Variants in HECW1 observed in about 807,000 individuals in gnomAD.
HECW1 encodes HECT, C2 and WW domain containing E3 ubiquitin protein ligase 1.
Under a neutral mutation model 182.3 loss-of-function variants are expected in HECW1, and 61 were observed. The observed-to-expected ratio is 0.33, with a 90% CI of 0.27 to 0.41. The LOEUF (loss-of-function observed/expected upper bound fraction) is 0.41. Ranked by LOEUF, HECW1 falls within the 10% of genes least tolerant of loss-of-function variation. The pLI, the probability that HECW1 is intolerant of heterozygous loss-of-function variation, is 1.00. For missense variants in HECW1, 1,739 were observed against 2,108.9 expected (o/e 0.82, Z 3.44); for synonymous variants, 859 against 832.6 (o/e 1.03, Z -0.55).
chr7:43,479,235 G>A (rs2078329319), intron 16 of HECW1, among the ~76,000 whole-genome samples: 1 of 152,184 alleles, frequency 6.6e-6, no homozygotes, highest in South Asian at 2.1e-4. Flanking sequence ...TGCCATCTGG[G>A]GGTAACGAGA....
At chr7:43,313,483 A>G (rs1157887082) in intron 4 of HECW1, among the ~76,000 whole-genome samples, 2 of 151,936 alleles carry the variant, frequency 1.3e-5, no homozygotes, top group Non-Finnish European at 2.9e-5. Context: ...GATTACAGGC[A>G]TGTGCCACCA....
At chr7:43,227,760 C>T (rs946957434) in intron 2 of HECW1, among the ~76,000 whole-genome samples, 5 of 152,172 alleles carry the variant, frequency 3.3e-5, no homozygotes, top group African/African-American at 7.2e-5. Flanking sequence ...AAGATTAATA[C>T]GACTGTATTT....
chr7:43,541,619 C>T (rs552951314), intron 25 of HECW1, among the ~76,000 whole-genome samples: 1 of 152,288 alleles, frequency 6.6e-6, no homozygotes, highest in South Asian at 2.1e-4. Context: ...CTCCAATTTT[C>T]ATGCAGAGTC....
chr7:43,119,865 C>T (rs899885815), intron 2 of HECW1, among the ~76,000 whole-genome samples: 6 of 152,206 alleles, frequency 3.9e-5, no homozygotes, highest in Admixed American at 3.3e-4. Flanking sequence ...GCACAGCCAT[C>T]CCCGTCTAAG....
chr7:43,294,374 G>A (rs67210625), intron 3 of HECW1, among the ~76,000 whole-genome samples: 7,158 of 152,242 alleles, frequency 0.047, 207 homozygotes, highest in African/African-American at 0.075. Flanking sequence ...CATGGGGGGA[G>A]GGGGGAGGAT....
At chr7:43,517,360 G>A (rs1462474064) in intron 24 of HECW1, among the ~76,000 whole-genome samples, 8 of 85,490 alleles carry the variant, frequency 9.4e-5, no homozygotes, top group Admixed American at 2.9e-4. Flanking sequence ...CCCCAGCCCC[G>A]ACCTCTCTCC....
chr7:43,247,385 T>C (rs6957017), intron 3 of HECW1, among the ~76,000 whole-genome samples: 42,847 of 152,066 alleles, frequency 0.28, 7,673 homozygotes, highest in African/African-American at 0.51. Flanking sequence ...CAGTGGCTCA[T>C]GCCTGTAATC....
intron 17 of HECW1, among the ~76,000 whole-genome samples, chr7:43,481,954 G>T (rs1159550940): frequency 7.2e-6 from 1 of 139,852 alleles, no homozygotes; most frequent in African/African-American, 2.7e-5. Context: ...CAGCCTGAGC[G>T]ACACAGCGAG....
At chr7:43,399,608 C>T (rs920082810) in intron 7 of HECW1, among the ~76,000 whole-genome samples, 2 of 152,184 alleles carry the variant, frequency 1.3e-5, no homozygotes, top group Non-Finnish European at 2.9e-5. Flanking sequence ...ATTCCTTTAT[C>T]TCTGCTTTGC....
chr7:43,113,356 T>C (rs546192230), intron 1 of HECW1, among the ~76,000 whole-genome samples: 1 of 152,284 alleles, frequency 6.6e-6, no homozygotes, highest in East Asian at 1.9e-4. Context: ...GCTCTGGATT[T>C]GCGCTTCGCC....
At chr7:43,134,318 C>A (rs759264555) in intron 2 of HECW1, among the ~76,000 whole-genome samples, 1 of 136,582 alleles carries the variant, frequency 7.3e-6, no homozygotes, top group African/African-American at 2.8e-5. Context: ...CGCTTGAACC[C>A]GGGAGGCAGA....
intron 10 of HECW1, among the ~76,000 whole-genome samples, chr7:43,442,994 A>C (rs753653094): frequency 1.1e-4 from 16 of 152,258 alleles, no homozygotes; most frequent in Non-Finnish European, 1.8e-4. Context: ...CTTTCTACCT[A>C]GTAACTAGAT....
At chr7:43,486,305 G>C (rs1481183349) in intron 17 of HECW1, among the ~76,000 whole-genome samples, 1 of 141,596 alleles carries the variant, frequency 7.1e-6, no homozygotes, top group African/African-American at 2.6e-5. Flanking sequence ...TTTTTTTTTT[G>C]AGATGGAGTC....
At chr7:43,191,331 C>T (rs192916900) in intron 2 of HECW1, among the ~76,000 whole-genome samples, 8 of 152,328 alleles carry the variant, frequency 5.3e-5, no homozygotes, top group Admixed American at 3.3e-4. Flanking sequence ...TCTATTACAG[C>T]GATGTAGCCA....
At position 43,311,951 on chromosome 7, in the gene HECW1, G is replaced by A; in HGVS notation, c.216G>A (p.Leu72=). The change falls in exon 4 of 30, where the codon CTG becomes CTA. Residue 72 remains leucine (L), a synonymous_variant. Transcript: ENST00000395891. The part of the protein sequence containing the change: ...TIPRSTSDTD[L]VTSDSRSTLM... ...CCCGCTCCACCAGCGACACTGACCTGGTCACCTCGGACAGCCGCTCCACGC... is the reference window on the plus strand; with the variant it reads ...CCCGCTCCACCAGCGACACTGACCTAGTCACCTCGGACAGCCGCTCCACGC... The A allele has an allele frequency of 6.2e-7, 1 of 1,614,118 alleles. No individual in the cohort carries two copies. The highest frequency in any genetic ancestry group is 8.5e-7 in the Non-Finnish European group (1 of 1,179,988).
rs958373676 is a variant in HECW1 at position 43,565,964 on chromosome 7, T to C, written c.*4038T>C. 1.7e-4 allele frequency: 32 copies of C among 191,718 alleles called. No individual in the cohort carries two copies. The highest frequency in any genetic ancestry group is 6.8e-4 in the African/African-American group (29 of 42,944). The allele number at this position is 191,718 out of a possible 1,614,324, so 11.9% of individuals were successfully genotyped here. ...CCGCGCTTTCTCTTCCATCACACCA[T>C]CTTCAAGGAATGTCAATAAACTCAC... On this transcript the variant is annotated 3_prime_UTR_variant, in exon 30 of 30. Coordinates refer to ENST00000395891, the MANE Select transcript of HECW1 (RefSeq NM_015052.5).
In HECW1 at chr7:43,182,049, G is replaced by A. The variant is rs914221603; in HGVS notation, c.-31-61826G>A. On this transcript the variant is annotated intron_variant, in intron 2 of 29. Transcript: ENST00000395891. ...TCTACCTGCCTTGGCCTCCCAAAGT[G>A]CTGGGATTACAGGCGTGAGCCACCG... Among the ~76,000 whole-genome samples the A allele has an allele frequency of 2.0e-5, 3 of 152,102 alleles. No homozygotes were observed. In the South Asian group the frequency reaches 6.2e-4, roughly 32 times the overall value.
chr7:43,352,954 G>C (rs1240625286), intron 5 of HECW1, among the ~76,000 whole-genome samples: 3 of 152,018 alleles, frequency 2.0e-5, no homozygotes, highest in East Asian at 1.9e-4. Flanking sequence ...TAGGAAGGTG[G>C]GGGGGCAGGG....
intron 3 of HECW1, among the ~76,000 whole-genome samples, chr7:43,264,815 G>C (rs1449060828): frequency 1.4e-5 from 2 of 145,822 alleles, no homozygotes; most frequent in Admixed American, 1.4e-4. Context: ...CTGCACTCCA[G>C]CCCGGGCGAC....
Sources: gnomAD v4.1 joint callset for allele counts (sites outside exome capture counted in the v4.1 genomes callset) on GRCh38, gnomAD v4.1.1 for gene constraint, MANE v1.5 for transcripts, NCBI Gene and HGNC (gene_info 2026-07-23, HGNC 2026-07-21) for gene names.